The following COLQ variants were observed in gnomAD, a reference collection of about 807,000 sequenced individuals.
The protein encoded by COLQ is collagen like tail subunit of asymmetric acetylcholinesterase.
Under a neutral mutation model 69.0 loss-of-function variants are expected in COLQ, and 48 were observed. The ratio of observed to expected loss-of-function variants is 0.70; its 90% confidence interval spans 0.55 to 0.88. The LOEUF is 0.88. Ranked by LOEUF, COLQ falls within the 40% of genes least tolerant of loss-of-function variation. The pLI, the probability that COLQ is intolerant of heterozygous loss-of-function variation, is 0.00. For synonymous variants in COLQ, 217 were observed against 211.2 expected, an observed-to-expected ratio of 1.03 and a Z score of -0.24; for missense variants, 618 against 594.6, an observed-to-expected ratio of 1.04 and a Z score of -0.41.
At chr3:15,466,900 G>A (rs567077453) in intron 11 of COLQ, among the ~76,000 whole-genome samples, 1 of 152,222 alleles carries the variant, frequency 6.6e-6, no homozygotes, top group East Asian at 1.9e-4. Flanking sequence ...CCCTTCTCAA[G>A]ACCCTTCTCT....
Position 15,451,237 on chromosome 3 carries a change from G to A in COLQ, c.*407C>T, listed in dbSNP as rs569980572. ...CCTGCACGTTTCGGTGGTCAGGGGC[G>A]GAGAGGCCTGTACTCCAGATTCCCC... On this transcript the variant is annotated 3_prime_UTR_variant, in exon 17 of 17. Coordinates refer to ENST00000383788, the MANE Select transcript of COLQ (RefSeq NM_005677.4). The A allele has an allele frequency of 6.2e-4, 170 of 273,670 alleles. 4 individuals carry two copies. Among genetic ancestry groups the A allele is most frequent in the South Asian group, 4.8e-3 (105 of 22,078 alleles). The allele number at this position is 273,670 out of a possible 1,614,324, so 17.0% of individuals were successfully genotyped here.
intron 1 of COLQ, among the ~76,000 whole-genome samples, chr3:15,520,312 C>G (rs2063119290): frequency 6.6e-6 from 1 of 152,216 alleles, no homozygotes; most frequent in African/African-American, 2.4e-5. Context: ...ACAAATCTGC[C>G]CCCACCTCCT....
chr3:15,469,830 C>T (rs2062253122), intron 11 of COLQ, among the ~76,000 whole-genome samples: 1 of 152,128 alleles, frequency 6.6e-6, no homozygotes, highest in Non-Finnish European at 1.5e-5. Flanking sequence ...CCGGCCCCAC[C>T]CCCAGGTGAT....
chr3:15,511,639 T>C (rs2062986555), intron 1 of COLQ, among the ~76,000 whole-genome samples: 1 of 152,192 alleles, frequency 6.6e-6, no homozygotes, highest in Non-Finnish European at 1.5e-5. Flanking sequence ...TACCATGACC[T>C]TGCTCCACGC....
intron 12 of COLQ, among the ~76,000 whole-genome samples, chr3:15,459,997 A>T (rs1296716276): frequency 6.6e-6 from 1 of 151,600 alleles, no homozygotes; most frequent in Non-Finnish European, 1.5e-5. Context: ...CTGCCTCTCA[A>T]CTCCCTTCTG....
At chr3:15,487,499 A>C (rs2062593887) in intron 3 of COLQ, among the ~76,000 whole-genome samples, 1 of 152,154 alleles carries the variant, frequency 6.6e-6, no homozygotes, top group Non-Finnish European at 1.5e-5. Flanking sequence ...GTGTTTACCC[A>C]GGTGGGTGAT....
At chr3:15,467,885 G>A in intron 11 of COLQ, 1 of 456,754 alleles carries the variant, frequency 2.2e-6, no homozygotes, top group Non-Finnish European at 4.4e-6. Context: ...GGCCGTCTTG[G>A]TAATGTGCAA....
chr3:15,506,628 C>T (rs534178874), intron 1 of COLQ: 1 of 152,258 alleles, frequency 6.6e-6, no homozygotes, highest in East Asian at 1.9e-4. Context: ...GTTTAAAAGA[C>T]AGCATTTCAT....
chr3:15,511,549 C>T (rs2062984638), intron 1 of COLQ, among the ~76,000 whole-genome samples: 1 of 152,194 alleles, frequency 6.6e-6, no homozygotes, highest in Non-Finnish European at 1.5e-5. Flanking sequence ...GGACAAACCA[C>T]CCAACCAATG....
In COLQ at chr3:15,451,769, C is replaced by T. The variant is rs181689420; in HGVS notation, c.1299-56G>A. ...CCACCTCTTATATGCTGGTGACTTC[C>T]GGTCAAACCTTATCAAACAGCGGCC... On this transcript the variant is annotated intron_variant, in intron 16 of 16. Transcript: ENST00000383788. 1.8e-5 allele frequency: 26 copies of T among 1,481,766 alleles called. 1 individual carries two copies. Among genetic ancestry groups the T allele is most frequent in the East Asian group, 4.5e-5 (2 of 44,264 alleles). 91.8% of individuals were successfully genotyped at this position (1,481,766 alleles called of 1,614,324 possible). A position where few individuals can be genotyped will look rare whatever the true frequency, so the allele number is the denominator to read the frequency against.
chr3:15,492,331 T>C (rs935520008), intron 1 of COLQ, among the ~76,000 whole-genome samples: 3 of 152,318 alleles, frequency 2.0e-5, no homozygotes, highest in East Asian at 1.9e-4. Context: ...TCCATAATTG[T>C]AGTCTTAGAA....
intron 1 of COLQ, chr3:15,496,089 G>A (rs2062741824): frequency 6.6e-6 from 1 of 152,314 alleles, no homozygotes; most frequent in Non-Finnish European, 1.5e-5. Context: ...ACTGATGAAG[G>A]ACCTTGTATC....
intron 11 of COLQ, among the ~76,000 whole-genome samples, chr3:15,469,643 T>G (rs1000134817): frequency 1.3e-5 from 2 of 152,116 alleles, no homozygotes; most frequent in Non-Finnish European, 2.9e-5. Context: ...TGGCTGCACA[T>G]TAAAATCATA....
At chr3:15,475,581 T>A (rs1338377468) in intron 6 of COLQ, 94 bp from the exon 7 acceptor site, 1 of 1,232,184 alleles carries the variant, frequency 8.1e-7, no homozygotes, top group African/African-American at 1.5e-5. Context: ...GAACTGGGGA[T>A]ATCAGGGCTG....
intron 1 of COLQ, among the ~76,000 whole-genome samples, chr3:15,512,505 G>A (rs894274970): frequency 2.0e-5 from 3 of 152,288 alleles, no homozygotes; most frequent in East Asian, 1.9e-4. Context: ...TCTGGGCAAC[G>A]TGTTCCTTCT....
chr3:15,498,503 A>G (rs2062783047), intron 1 of COLQ: 2 of 1,551,500 alleles, frequency 1.3e-6, no homozygotes, highest in Non-Finnish European at 1.7e-6. Flanking sequence ...ACACGCACAC[A>G]CAACTCACCC....
intron 2 of COLQ, among the ~76,000 whole-genome samples, chr3:15,488,746 AAT>A (rs2062618096): frequency 6.6e-6 from 1 of 152,208 alleles, no homozygotes; most frequent in African/African-American, 2.4e-5. Flanking sequence ...ACAAAACTCA[AAT>A]ATTATCATTT....
chr3:15,483,812 G>T (rs1309792578), intron 3 of COLQ, among the ~76,000 whole-genome samples: 2 of 152,184 alleles, frequency 1.3e-5, no homozygotes, highest in African/African-American at 4.8e-5. Context: ...TGACAGTGGG[G>T]TGTTGAAGTC....
intron 12 of COLQ, among the ~76,000 whole-genome samples, chr3:15,465,428 G>C (rs150674724): frequency 6.7e-6 from 1 of 149,358 alleles, no homozygotes; most frequent in Non-Finnish European, 1.5e-5. Flanking sequence ...CACCACGCCC[G>C]GCTAATTTTT....
Sources: allele counts gnomAD v4.1 joint callset (sites outside exome capture counted in the v4.1 genomes callset), GRCh38; gene constraint gnomAD v4.1.1; transcripts MANE v1.5; gene names NCBI Gene and HGNC (gene_info 2026-07-23, HGNC 2026-07-21).